Variants in PDZRN4 observed in about 807,000 individuals in gnomAD.
PDZRN4 encodes the protein PDZ domain containing ring finger 4, also known as PDZ domain-containing RING finger protein 4.
In PDZRN4, 70 loss-of-function variants were observed where a neutral mutation model predicts 99.0. That is an observed-to-expected ratio of 0.71 (90% CI 0.58 to 0.86). The LOEUF is 0.86. Among genes scored for constraint, PDZRN4 ranks in the 40% least tolerant of loss-of-function variants. The probability of loss-of-function intolerance (pLI) is 0.00; values close to 1 mark genes in which losing one functional copy is unlikely to be tolerated. For synonymous variants in PDZRN4, 551 were observed against 501.6 expected (o/e 1.10, Z -1.32); for missense variants, 1,474 against 1,331.2 (o/e 1.11, Z -1.67).
chr12:41,221,619 A>C (rs1950956674), intron 3 of PDZRN4, among the ~76,000 whole-genome samples: 2 of 152,114 alleles, frequency 1.3e-5, no homozygotes, highest in Admixed American at 1.3e-4. Context: ...GGAATTTTTA[A>C]AAGTGTAGTA....
chr12:41,261,727 G>A (rs745720713), intron 3 of PDZRN4, among the ~76,000 whole-genome samples: 7 of 152,116 alleles, frequency 4.6e-5, no homozygotes, highest in Admixed American at 1.3e-4. Flanking sequence ...CTGACCTCGT[G>A]ATCCCCCCTC....
Position 41,288,813 on chromosome 12 carries a change from G to T in PDZRN4, c.843+94625G>T, listed in dbSNP as rs183435291. ...TTAAATTGATTGTGTAGGATTTAAAGAATTATGTTTATATAAACTTTGTTA... is the reference window on the plus strand; with the variant it reads ...TTAAATTGATTGTGTAGGATTTAAATAATTATGTTTATATAAACTTTGTTA... On this transcript the variant is annotated intron_variant, in intron 3 of 9. Transcript: ENST00000402685. Among the ~76,000 whole-genome samples the T allele has an allele frequency of 9.5e-4, 145 of 152,160 alleles. 1 individual carries two copies. Among genetic ancestry groups the T allele is most frequent in the African/African-American group, 3.4e-3 (141 of 41,504 alleles).
chr12:41,525,624 G>C (rs1364452727), intron 5 of PDZRN4, among the ~76,000 whole-genome samples: 1 of 151,970 alleles, frequency 6.6e-6, no homozygotes, highest in Non-Finnish European at 1.5e-5. Flanking sequence ...ACGTAGATTT[G>C]TTATATATCT....
intron 3 of PDZRN4, among the ~76,000 whole-genome samples, chr12:41,261,003 CAT>C (rs1291742348): frequency 3.3e-5 from 5 of 152,086 alleles, no homozygotes; most frequent in Non-Finnish European, 7.4e-5. Flanking sequence ...TAGAAAAAAA[CAT>C]GTTTCTATTA....
chr12:41,214,867 A>G (rs1950910883), intron 3 of PDZRN4, among the ~76,000 whole-genome samples: 1 of 152,066 alleles, frequency 6.6e-6, no homozygotes, highest in African/African-American at 2.4e-5. Context: ...ATGCTATATA[A>G]TGTATCTGTT....
intron 5 of PDZRN4, among the ~76,000 whole-genome samples, chr12:41,531,948 A>G (rs559708501): frequency 6.6e-6 from 1 of 152,282 alleles, no homozygotes; most frequent in South Asian, 2.1e-4. Flanking sequence ...TAATGCAGTA[A>G]AATATATTAA....
Position 41,408,486 on chromosome 12 carries a change from A to G in PDZRN4, c.844-97970A>G, listed in dbSNP as rs11180901. On this transcript the variant is annotated intron_variant, in intron 3 of 9. Coordinates refer to ENST00000402685, the MANE Select transcript of PDZRN4 (RefSeq NM_001164595.2). Reference sequence around the variant, plus strand: ...GCTGATTAAAACATCATCATTTTCAACATAAGAGATGAAGTCTTCTGAAGT... The same window carrying G: ...GCTGATTAAAACATCATCATTTTCAGCATAAGAGATGAAGTCTTCTGAAGT... 3.8e-3 allele frequency among the ~76,000 whole-genome samples: 581 copies of G among 152,268 alleles called. 17 individuals are homozygous for G. The East Asian group carries it at 0.09, about 24-fold the overall frequency.
chr12:41,205,881 G>A (rs1950846610), intron 3 of PDZRN4, among the ~76,000 whole-genome samples: 1 of 151,772 alleles, frequency 6.6e-6, no homozygotes, highest in Admixed American at 6.6e-5. Context: ...TTCTTCCCCT[G>A]TTCCTTCATT....
At position 41,573,764 on chromosome 12, in the gene PDZRN4, G is replaced by A. The variant is rs1383241511; in HGVS notation, c.2985G>A (p.Met995Ile). 4.3e-6 allele frequency: 7 copies of A among 1,613,644 alleles called. No individual in the cohort carries two copies. Among genetic ancestry groups the A allele is most frequent in the African/African-American group, 1.3e-5 (1 of 74,870 alleles). The part of the protein sequence containing the change: ...INIIELSHKK[M>I]MKKRNKKILD... ...TCATTGAACTGAGTCACAAAAAGAT[G>A]ATGAAAAAGAGAAACAAGAAAATTT... The change falls in exon 10 of 10, where the codon ATG becomes ATA. Residue 995 changes from methionine to isoleucine, a missense_variant. Transcript: ENST00000402685.
chr12:41,401,415 C>A (rs1170340487), intron 3 of PDZRN4, among the ~76,000 whole-genome samples: 2 of 152,132 alleles, frequency 1.3e-5, no homozygotes. Context: ...TTACATTGTG[C>A]TGTATACTAA....
At chr12:41,317,409 C>T (rs1020125286) in intron 3 of PDZRN4, among the ~76,000 whole-genome samples, 2 of 151,884 alleles carry the variant, frequency 1.3e-5, no homozygotes, top group African/African-American at 4.8e-5. Context: ...GGATGAGGTC[C>T]ACCCACAGGA....
At chr12:41,300,887 A>G (rs931815004) in intron 3 of PDZRN4, among the ~76,000 whole-genome samples, 4 of 152,126 alleles carry the variant, frequency 2.6e-5, no homozygotes, top group Non-Finnish European at 5.9e-5. Flanking sequence ...ATGACAGTGG[A>G]CTCAAGAGAT....
intron 3 of PDZRN4, among the ~76,000 whole-genome samples, chr12:41,446,170 G>A (rs531938036): frequency 2.0e-5 from 3 of 152,004 alleles, no homozygotes; most frequent in Admixed American, 6.6e-5. Flanking sequence ...TTGCTTTATG[G>A]TTGTTTAGGT....
At chr12:41,267,183 C>T (rs986058693) in intron 3 of PDZRN4, among the ~76,000 whole-genome samples, 1 of 152,156 alleles carries the variant, frequency 6.6e-6, no homozygotes, top group Non-Finnish European at 1.5e-5. Context: ...CTGCTTAAGA[C>T]TTTCAGTGTA....
intron 3 of PDZRN4, among the ~76,000 whole-genome samples, chr12:41,360,293 C>A (rs937161088): frequency 6.6e-6 from 1 of 151,960 alleles, no homozygotes; most frequent in Non-Finnish European, 1.5e-5. Flanking sequence ...TTACTGATTT[C>A]TTTTGCTTAA....
chr12:41,222,488 A>G (rs1950963431), intron 3 of PDZRN4, among the ~76,000 whole-genome samples: 1 of 152,008 alleles, frequency 6.6e-6, no homozygotes, highest in African/African-American at 2.4e-5. Flanking sequence ...TTTCTCTGAT[A>G]GAGTTTGTCT....
At chr12:41,468,965 C>A (rs181420293) in intron 3 of PDZRN4, among the ~76,000 whole-genome samples, 1 of 151,416 alleles carries the variant, frequency 6.6e-6, no homozygotes, top group Non-Finnish European at 1.5e-5. Flanking sequence ...GCCGAGATTG[C>A]GCCACTTCAC....
At chr12:41,403,532 A>G (rs1952320312) in intron 3 of PDZRN4, among the ~76,000 whole-genome samples, 1 of 152,158 alleles carries the variant, frequency 6.6e-6, no homozygotes, top group Non-Finnish European at 1.5e-5. Context: ...GGATCCTAAG[A>G]GTTACAGAAT....
In PDZRN4 at chr12:41,194,113, T is replaced by G; in HGVS notation, c.768T>G (p.Ile256Met). ...NNQEGTSTEGIYVSKILENGP... is the reference protein window; with the variant it reads ...NNQEGTSTEGMYVSKILENGP... The stretch of plus-strand genomic sequence containing the variant: ...AGGAAGGAACATCGACTGAAGGAAT[T>G]TACGTTTCAAAAATTTTAGAAAATG... The change falls in exon 3 of 10, where the codon ATT (isoleucine) becomes ATG (methionine). Residue 256 changes from isoleucine to methionine, a missense_variant. Coordinates refer to ENST00000402685, the MANE Select transcript of PDZRN4 (RefSeq NM_001164595.2). The G allele has an allele frequency of 1.3e-6, 2 of 1,558,280 alleles. No individual in the cohort carries two copies. The highest frequency in any genetic ancestry group is 1.1e-5 in the South Asian group (1 of 90,194).
Sources: allele counts gnomAD v4.1 joint callset (sites outside exome capture counted in the v4.1 genomes callset), GRCh38; gene constraint gnomAD v4.1.1; transcripts MANE v1.5; gene names NCBI Gene and HGNC (gene_info 2026-07-23, HGNC 2026-07-21).